The following CADM2 variants were observed in gnomAD, a reference collection of about 807,000 sequenced individuals.
CADM2 encodes immunoglobulin superfamily member 4D.
CADM2 carries 12 observed loss-of-function variants against 49.8 expected under a neutral mutation model. The observed-to-expected ratio is 0.24, with a 90% confidence interval of 0.15 to 0.39. CADM2 has a LOEUF of 0.39. CADM2 is among the 10% of genes least tolerant of loss of function. The probability of loss-of-function intolerance (pLI) is 1.00; values close to 1 mark genes in which losing one functional copy is unlikely to be tolerated. For synonymous variants in CADM2, 214 were observed against 175.4 expected (o/e 1.22, Z -1.74); for missense variants, 378 against 492.3 (o/e 0.77, Z 2.20).
intron 1 of CADM2, among the ~76,000 whole-genome samples, chr3:85,331,303 G>A (rs1056390379): frequency 6.6e-6 from 1 of 151,468 alleles, no homozygotes; most frequent in Non-Finnish European, 1.5e-5. Flanking sequence ...CCAGCCTCTG[G>A]TAACCACCAT....
intron 3 of CADM2, among the ~76,000 whole-genome samples, chr3:85,812,699 A>C (rs2072953275): frequency 6.6e-6 from 1 of 151,790 alleles, no homozygotes; most frequent in Non-Finnish European, 1.5e-5. Context: ...TCCCTCCCCT[A>C]TACCCCCACA....
chr3:85,411,223 G>T (rs1291579937), intron 1 of CADM2, among the ~76,000 whole-genome samples: 1 of 152,152 alleles, frequency 6.6e-6, no homozygotes, highest in Non-Finnish European at 1.5e-5. Flanking sequence ...TACTCTAGGG[G>T]TCTTATTAGA....
intron 1 of CADM2, among the ~76,000 whole-genome samples, chr3:84,977,017 T>G (rs941583432): frequency 4.6e-5 from 7 of 151,942 alleles, no homozygotes; most frequent in Admixed American, 4.6e-4. Context: ...TTTCTGGATT[T>G]CTTTTGAAAT....
intron 5 of CADM2, among the ~76,000 whole-genome samples, chr3:85,894,072 C>T (rs1185156931): frequency 3.9e-5 from 6 of 152,224 alleles, no homozygotes; most frequent in African/African-American, 2.4e-5. Context: ...GCACTATTCA[C>T]GATAGCAAAG....
intron 1 of CADM2, among the ~76,000 whole-genome samples, chr3:85,332,474 G>A (rs2044955807): frequency 6.6e-6 from 1 of 151,870 alleles, no homozygotes; most frequent in Non-Finnish European, 1.5e-5. Flanking sequence ...TTCCTTCCTG[G>A]GGGCTTTGTA....
intron 8 of CADM2, among the ~76,000 whole-genome samples, chr3:85,988,795 A>G (rs536727483): frequency 1.3e-5 from 2 of 152,262 alleles, no homozygotes; most frequent in South Asian, 2.1e-4. Context: ...TTCATCTTAG[A>G]AAAAAGAGAT....
chr3:85,495,109 T>C (rs2039833897), intron 1 of CADM2, among the ~76,000 whole-genome samples: 1 of 152,136 alleles, frequency 6.6e-6, no homozygotes. Flanking sequence ...CAGGTGACAG[T>C]CAAGTGAATT....
At chr3:85,837,622 C>T (rs2074465326) in intron 3 of CADM2, among the ~76,000 whole-genome samples, 1 of 151,450 alleles carries the variant, frequency 6.6e-6, no homozygotes, top group Admixed American at 6.6e-5. Flanking sequence ...TCATTTTTGA[C>T]GTTCAATACA....
At chr3:85,983,805 ATCTATCT>A (rs1727758469) in intron 8 of CADM2, among the ~76,000 whole-genome samples, 2 of 151,360 alleles carry the variant, frequency 1.3e-5, no homozygotes, top group Non-Finnish European at 1.5e-5. Flanking sequence ...CTATCTATCT[ATCTATCT>A]ATCTATCTTT....
At chr3:86,011,543 G>A (rs1361818034) in intron 8 of CADM2, among the ~76,000 whole-genome samples, 1 of 152,026 alleles carries the variant, frequency 6.6e-6, no homozygotes, top group African/African-American at 2.4e-5. Flanking sequence ...GTGGAATTGG[G>A]GCGATAAGAA....
At chr3:85,277,762 T>C (rs2043393825) in intron 1 of CADM2, among the ~76,000 whole-genome samples, 1 of 151,356 alleles carries the variant, frequency 6.6e-6, no homozygotes, top group South Asian at 2.1e-4. Flanking sequence ...ATAGTATGTT[T>C]GCCTTTTATA....
intron 1 of CADM2, among the ~76,000 whole-genome samples, chr3:85,107,005 G>T (rs1278319244): frequency 6.6e-6 from 1 of 152,046 alleles, no homozygotes; most frequent in Non-Finnish European, 1.5e-5. Flanking sequence ...GGGACGAAAA[G>T]AAAAAGTGGG....
chr3:85,077,334 T>C (rs1378200408), intron 1 of CADM2, among the ~76,000 whole-genome samples: 1 of 152,164 alleles, frequency 6.6e-6, no homozygotes, highest in Admixed American at 6.5e-5. Context: ...GTGATACTTA[T>C]GAGGCAATGC....
Position 86,074,124 on chromosome 3 carries a change from T to C in CADM2, c.*7341T>C, listed in dbSNP as rs1245524075. The C allele has an allele frequency of 6.6e-6, 1 of 151,584 alleles. No homozygotes were observed. The highest frequency in any genetic ancestry group is 1.5e-5 in the Non-Finnish European group (1 of 67,748). 9.4% of individuals were successfully genotyped at this position (151,584 alleles called of 1,614,324 possible). On this transcript the variant is annotated 3_prime_UTR_variant, in exon 10 of 10. Coordinates refer to ENST00000383699, the MANE Select transcript of CADM2 (RefSeq NM_001167675.2). ...ACAGAAGCAAAAATACCTAAACCTA[T>C]TTTTTTTAACCTTCACACTCTAACC...
intron 1 of CADM2, among the ~76,000 whole-genome samples, chr3:85,387,565 T>G (rs1416959651): frequency 1.3e-5 from 2 of 152,168 alleles, no homozygotes; most frequent in African/African-American, 4.8e-5. Context: ...ACTGAACTCT[T>G]GTATAACTTT....
intron 8 of CADM2, 67 bp downstream of exon 8, chr3:85,961,714 C>T: frequency 8.0e-7 from 1 of 1,253,374 alleles, no homozygotes; most frequent in East Asian, 2.7e-5. Flanking sequence ...TTAAATATAT[C>T]AGAATTTTAA....
chr3:85,007,049 C>T (rs748833980), intron 1 of CADM2, among the ~76,000 whole-genome samples: 7 of 152,020 alleles, frequency 4.6e-5, no homozygotes, highest in South Asian at 2.1e-4. Flanking sequence ...TTAGAGCAAC[C>T]TATATATTAA....
chr3:85,386,574 G>A (rs551767791), intron 1 of CADM2, among the ~76,000 whole-genome samples: 10 of 152,294 alleles, frequency 6.6e-5, no homozygotes, highest in African/African-American at 2.4e-4. Context: ...TCAAACCTGG[G>A]CTGTGCTTCT....
intron 1 of CADM2, among the ~76,000 whole-genome samples, chr3:85,142,522 C>T (rs1001764901): frequency 6.6e-6 from 1 of 152,136 alleles, no homozygotes; most frequent in African/African-American, 2.4e-5. Flanking sequence ...ATCCTCATTG[C>T]TTACAATATG....
Sources: gnomAD v4.1 joint callset for allele counts (sites outside exome capture counted in the v4.1 genomes callset) on GRCh38, gnomAD v4.1.1 for gene constraint, MANE v1.5 for transcripts, NCBI Gene and HGNC (gene_info 2026-07-23, HGNC 2026-07-21) for gene names.